SMCO4: variants seen among roughly 807,000 people sequenced by gnomAD.
SMCO4 encodes the protein single-pass membrane and coiled-coil domain-containing protein 4.
A neutral mutation model predicts 3.6 loss-of-function variants in SMCO4; 4 were observed. The observed-to-expected ratio is 1.11, with a 90% CI of 0.54 to 2.53. SMCO4 has a LOEUF of 2.53. SMCO4 is among the 30% of genes most tolerant of loss of function. The probability of loss-of-function intolerance (pLI) is 0.02; values close to 1 mark genes in which losing one functional copy is unlikely to be tolerated. For synonymous variants in SMCO4, 36 were observed against 35.3 expected (o/e 1.02, Z -0.07); for missense variants, 70 against 80.8 (o/e 0.87, Z 0.51).
chr11:93,535,379 T>C, intron 1 of SMCO4: 1 of 776,734 alleles, frequency 1.3e-6, no homozygotes, highest in Admixed American at 2.5e-5. Flanking sequence ...TCTTAACATC[T>C]ACGATCTCAG....
chr11:93,519,085 T>C (rs7935607), intron 1 of SMCO4, among the ~76,000 whole-genome samples: 7,107 of 152,210 alleles, frequency 0.047, 384 homozygotes, highest in East Asian at 0.14. Flanking sequence ...TTGCTGGAAA[T>C]TTAGCCTGGG....
intron 1 of SMCO4, among the ~76,000 whole-genome samples, chr11:93,526,739 A>G (rs1223285171): frequency 2.6e-5 from 4 of 152,130 alleles, no homozygotes; most frequent in Non-Finnish European, 5.9e-5. Flanking sequence ...TCCCTACATC[A>G]TGACATTTAA....
In SMCO4 at chr11:93,504,994, A is replaced by G. The variant is rs920065502; in HGVS notation, c.-153-5646T>C. 3.3e-4 allele frequency among the ~76,000 whole-genome samples: 50 copies of G among 152,318 alleles called. 1 individual carries two copies. Among genetic ancestry groups the G allele is most frequent in the African/African-American group, 1.2e-3 (48 of 41,570 alleles). ...CAGGTTTTTCTAAGTATGTTTATGC[A>G]TACTTCATGCAGTCTATCAATATGT... On this transcript the variant is annotated intron_variant, in intron 1 of 2. Coordinates refer to ENST00000298966, the MANE Select transcript of SMCO4 (RefSeq NM_020179.3).
intron 1 of SMCO4, among the ~76,000 whole-genome samples, chr11:93,542,750 C>T (rs1949281193): frequency 6.6e-6 from 1 of 152,076 alleles, no homozygotes; most frequent in African/African-American, 2.4e-5. Flanking sequence ...TACTCCCCGA[C>T]CCCCAGGCGC....
chr11:93,532,768 CT>C (rs1949175500), intron 1 of SMCO4, among the ~76,000 whole-genome samples: 1 of 152,186 alleles, frequency 6.6e-6, no homozygotes, highest in African/African-American at 2.4e-5. Context: ...ACAGACTCCC[CT>C]CAGAGCCCCC....
chr11:93,488,931 TGAA>T (rs138130160), intron 2 of SMCO4, among the ~76,000 whole-genome samples: 3,237 of 151,978 alleles, frequency 0.021, 72 homozygotes, highest in Middle Eastern at 0.034. Flanking sequence ...GGAAGGCAAA[TGAA>T]GAAGGTGTCC....
At chr11:93,536,890 C>T (rs1186780169) in intron 1 of SMCO4, among the ~76,000 whole-genome samples, 2 of 152,236 alleles carry the variant, frequency 1.3e-5, no homozygotes, top group East Asian at 3.8e-4. Flanking sequence ...CTATGCTGCA[C>T]TTCCAGGTCT....
chr11:93,501,508 AC>A (rs1423564073), intron 1 of SMCO4, among the ~76,000 whole-genome samples: 3 of 151,828 alleles, frequency 2.0e-5, no homozygotes, highest in African/African-American at 7.3e-5. Context: ...CATCATTCCG[AC>A]CTCTGCCTCC....
intron 1 of SMCO4, among the ~76,000 whole-genome samples, chr11:93,540,979 C>T (rs1440472509): frequency 6.6e-6 from 1 of 152,170 alleles, no homozygotes; most frequent in Admixed American, 6.5e-5. Context: ...CTAACTGCAG[C>T]TTCCAAAAAG....
Position 93,479,039 on chromosome 11 carries a change from C to T in SMCO4, c.151G>A (p.Val51Met), listed in dbSNP as rs909072912. 2.5e-6 allele frequency: 4 copies of T among 1,612,246 alleles called. No individual in the cohort carries two copies. Among genetic ancestry groups the T allele is most frequent in the Non-Finnish European group, 2.5e-6 (3 of 1,179,280 alleles). The stretch of plus-strand genomic sequence containing the variant: ...TCGGTGATGGTGGGGCGCGTGGCCA[C>T]GTACACAAACACCACGATCAAGAGC... Reference protein sequence around the residue: ...VVLLIVVFVYVATRPTITE With the variant: ...VVLLIVVFVYMATRPTITE The change falls in exon 3 of 3, where the codon GTG becomes ATG. Residue 51 changes from valine to methionine, a missense_variant. Val to Met is a conservative substitution (Grantham distance 21). Transcript: ENST00000298966.
At chr11:93,541,433 C>G (rs1949270078) in intron 1 of SMCO4, among the ~76,000 whole-genome samples, 1 of 152,142 alleles carries the variant, frequency 6.6e-6, no homozygotes, top group Non-Finnish European at 1.5e-5. Context: ...GAAAAGATGG[C>G]AGAAGCATAG....
chr11:93,483,463 T>C (rs915526448), intron 2 of SMCO4, among the ~76,000 whole-genome samples: 1 of 152,142 alleles, frequency 6.6e-6, no homozygotes, highest in African/African-American at 2.4e-5. Flanking sequence ...GAATGGACAC[T>C]GAAGTTGGAC....
chr11:93,530,130 G>A (rs1041502122), intron 1 of SMCO4, among the ~76,000 whole-genome samples: 2 of 152,214 alleles, frequency 1.3e-5, no homozygotes, highest in Non-Finnish European at 2.9e-5. Context: ...CTTGCACACT[G>A]ACCTTGGCAT....
chr11:93,514,897 C>T (rs1948995416), intron 1 of SMCO4, among the ~76,000 whole-genome samples: 1 of 152,138 alleles, frequency 6.6e-6, no homozygotes, highest in South Asian at 2.1e-4. Flanking sequence ...CCCCATTTTA[C>T]AGACTTCAAG....
chr11:93,548,532 T>C, the SMCO4 span, among the ~76,000 whole-genome samples: 30 of 152,292 alleles, frequency 2.0e-4, no homozygotes, highest in African/African-American at 5.5e-4. Flanking sequence ...TACTTGGCAG[T>C]CATTTAACTC....
intron 1 of SMCO4, among the ~76,000 whole-genome samples, chr11:93,526,628 C>T (rs1237655346): frequency 6.6e-6 from 1 of 152,220 alleles, no homozygotes; most frequent in Non-Finnish European, 1.5e-5. Flanking sequence ...ATCCTCCTCA[C>T]ATCTCCAAGG....
At chr11:93,527,017 C>T (rs1341912567) in intron 1 of SMCO4, among the ~76,000 whole-genome samples, 2 of 152,150 alleles carry the variant, frequency 1.3e-5, no homozygotes, top group Non-Finnish European at 2.9e-5. Context: ...TACAGCAGCC[C>T]ACTCTTCAAC....
At chr11:93,497,849 G>C (rs1025985953) in intron 2 of SMCO4, among the ~76,000 whole-genome samples, 1 of 152,228 alleles carries the variant, frequency 6.6e-6, no homozygotes, top group African/African-American at 2.4e-5. Context: ...ACAAATGTGA[G>C]AGACAGTTGC....
intron 2 of SMCO4, among the ~76,000 whole-genome samples, chr11:93,488,871 A>G (rs1204622213): frequency 1.3e-5 from 2 of 152,184 alleles, no homozygotes; most frequent in African/African-American, 4.8e-5. Flanking sequence ...GGAAGCAGGA[A>G]AAGACTGAAA....
Sources: gnomAD v4.1 joint callset for allele counts (sites outside exome capture counted in the v4.1 genomes callset) on GRCh38, gnomAD v4.1.1 for gene constraint, MANE v1.5 for transcripts, NCBI Gene and HGNC (gene_info 2026-07-23, HGNC 2026-07-21) for gene names.